Variants in TMOD3 observed in about 807,000 individuals in gnomAD.
TMOD3 encodes the protein tropomodulin 3, also known as tropomodulin-3.
A neutral mutation model predicts 39.2 loss-of-function variants in TMOD3; 20 were observed. The ratio of observed to expected loss-of-function variants is 0.51; its 90% CI spans 0.36 to 0.74. TMOD3 has a LOEUF of 0.74. Among genes scored for constraint, TMOD3 ranks in the 30% least tolerant of loss-of-function variants. The pLI, the probability that TMOD3 is intolerant of heterozygous loss-of-function variation, is 0.00. For synonymous variants in TMOD3, 143 were observed against 145.8 expected (o/e 0.98, Z 0.14); for missense variants, 381 against 412.8 (o/e 0.92, Z 0.67).
chr15:51,892,250 A>C (rs2056597347), intron 5 of TMOD3: 1 of 151,870 alleles, frequency 6.6e-6, no homozygotes. Context: ...AATTGCTCTT[A>C]CTCTTTCGTG....
In TMOD3 at chr15:51,896,504, G is replaced by A. The variant is rs759414812; in HGVS notation, c.713G>A (p.Arg238Gln). ...HVKCFSLAATRSNDPVATAFA... is the reference protein window; with the variant it reads ...HVKCFSLAATQSNDPVATAFA... The stretch of plus-strand genomic sequence containing the variant: ...AAATGTTTCAGTCTTGCAGCCACCC[G>A]GAGCAATGACCCTGTTGCTACTGTA... The change falls in exon 7 of 10, where the codon CGG becomes CAG. Residue 238 changes from arginine (R) to glutamine (Q), a missense_variant. Physicochemically the swap from Arg to Gln is conservative, Grantham distance 43 (BLOSUM62 1). Coordinates refer to ENST00000308580, the MANE Select transcript of TMOD3 (RefSeq NM_014547.5). 59 of 1,613,498 alleles carry A rather than the reference G, an allele frequency of 3.7e-5. No homozygotes were observed. The Middle Eastern group carries it at 4.9e-4, about 13-fold the overall frequency.
rs1317095210 is a variant in TMOD3 at position 51,913,562 on chromosome 15, A to C, written c.*4752A>C. ...TTCTATAAGTTCTTCCCTATAAAAA[A>C]TGAATGAATTAGAAATTTGATAATA... On this transcript the variant is annotated 3_prime_UTR_variant, in exon 10 of 10. Transcript: ENST00000308580. 6.6e-6 allele frequency: 1 copy of C among 152,226 alleles called. No individual in the cohort carries two copies. Among genetic ancestry groups the C allele is most frequent in the Non-Finnish European group, 1.5e-5 (1 of 68,042 alleles). The allele number at this position is 152,226 out of a possible 1,614,324, so 9.4% of individuals were successfully genotyped here. A position where few individuals can be genotyped will look rare whatever the true frequency, so the allele number is the denominator to read the frequency against.
At chr15:51,850,768 G>C (rs1217717458) in intron 1 of TMOD3, among the ~76,000 whole-genome samples, 1 of 152,034 alleles carries the variant, frequency 6.6e-6, no homozygotes, top group Non-Finnish European at 1.5e-5. Context: ...ACGGAGTATT[G>C]CTCTGTCACC....
chr15:51,887,682 C>T lies in TMOD3; in HGVS notation c.377C>T (p.Ala126Val). 1 of 1,613,952 alleles carries T rather than the reference C, an allele frequency of 6.2e-7. No individual in the cohort carries two copies. The highest frequency in any genetic ancestry group is 8.5e-7 in the Non-Finnish European group (1 of 1,179,952). ...DPELEEALTS[A>V]SDTELCDLAA... ...GAATTAGAAGAAGCTTTGACAAGTG[C>T]TTCTGATACAGAATTGTGTGACCTC... The change falls in exon 4 of 10, where the codon GCT (alanine) becomes GTT (valine). Residue 126 changes from alanine (A) to valine (V), a missense_variant. By Grantham distance (64) the Ala-to-Val change is moderately conservative. Transcript: ENST00000308580.
In TMOD3 at chr15:51,910,713, C is replaced by T. The variant is rs1331451721; in HGVS notation, c.*1903C>T. 6.6e-6 allele frequency: 1 copy of T among 151,372 alleles called. No individual in the cohort carries two copies. The highest frequency in any genetic ancestry group is 1.5e-5 in the Non-Finnish European group (1 of 67,950). The allele number at this position is 151,372 out of a possible 1,614,324, so 9.4% of individuals were successfully genotyped here. A position where few individuals can be genotyped will look rare whatever the true frequency, so the allele number is the denominator to read the frequency against. ...TAATAAGCCTTCTTAACAGGCTAAG[C>T]TTCCCTCATAAGAACTGTGGTGTTT... On this transcript the variant is annotated 3_prime_UTR_variant, in exon 10 of 10. Transcript: ENST00000308580.
chr15:51,905,533 G>A (rs2056674154), intron 9 of TMOD3, among the ~76,000 whole-genome samples: 1 of 151,888 alleles, frequency 6.6e-6, no homozygotes, highest in Non-Finnish European at 1.5e-5. Flanking sequence ...AGTGTTGGTA[G>A]AATACACTGA....
At chr15:51,897,145 A>G (rs1011410881) in intron 7 of TMOD3, among the ~76,000 whole-genome samples, 1 of 152,172 alleles carries the variant, frequency 6.6e-6, no homozygotes, top group Non-Finnish European at 1.5e-5. Flanking sequence ...TGGTTTCTCC[A>G]TATCTCTTCA....
Position 51,869,363 on chromosome 15 carries a change from A to T in TMOD3, c.273A>T (p.Gly91=). The change falls in exon 3 of 10, where the codon GGA becomes GGT. Residue 91 remains glycine, a synonymous_variant. Transcript: ENST00000308580. ...KDREDYVPYT[G]EKKGKIFIPK... ...GGGAAGACTATGTGCCCTACACTGG[A>T]GAAAAAAAAGGTAAGCCCCAGAATT... 6.2e-7 allele frequency: 1 copy of T among 1,610,166 alleles called. No homozygotes were observed. Among genetic ancestry groups the T allele is most frequent in the Non-Finnish European group, 8.5e-7 (1 of 1,179,088 alleles).
chr15:51,867,875 G>C (rs994305590), intron 2 of TMOD3, among the ~76,000 whole-genome samples: 4 of 152,170 alleles, frequency 2.6e-5, no homozygotes, highest in Admixed American at 6.5e-5. Flanking sequence ...AAAATTAAGG[G>C]ACTACAGGAG....
At chr15:51,830,122 C>T (rs932012904) in intron 1 of TMOD3, among the ~76,000 whole-genome samples, 1 of 152,138 alleles carries the variant, frequency 6.6e-6, no homozygotes, top group Non-Finnish European at 1.5e-5. Context: ...GGTTCGGGAC[C>T]GGCCCCCTCC....
intron 1 of TMOD3, among the ~76,000 whole-genome samples, chr15:51,834,735 G>A (rs780205701): frequency 5.9e-5 from 9 of 152,136 alleles, no homozygotes; most frequent in Admixed American, 2.0e-4. Context: ...GGGGGCTGAG[G>A]CAGGAGGATC....
At chr15:51,872,975 T>C (rs904937861) in intron 3 of TMOD3, among the ~76,000 whole-genome samples, 1 of 152,216 alleles carries the variant, frequency 6.6e-6, no homozygotes, top group Non-Finnish European at 1.5e-5. Context: ...CACAGTACCA[T>C]GGACCTGAAG....
intron 1 of TMOD3, 43 bp from the exon 2 acceptor site, chr15:51,862,768 G>C (rs1387211694): frequency 1.0e-6 from 1 of 966,254 alleles, no homozygotes; most frequent in Non-Finnish European, 1.5e-6. Flanking sequence ...AGTAGGTGGA[G>C]ATGACTTACT....
chr15:51,905,207 G>A (rs1436414334), intron 9 of TMOD3, among the ~76,000 whole-genome samples: 1 of 152,170 alleles, frequency 6.6e-6, no homozygotes, highest in Non-Finnish European at 1.5e-5. Context: ...AGTGGTATCA[G>A]CAGATTGAGG....
At chr15:51,843,074 G>A (rs1469031185) in intron 1 of TMOD3, among the ~76,000 whole-genome samples, 1 of 152,178 alleles carries the variant, frequency 6.6e-6, no homozygotes, top group Non-Finnish European at 1.5e-5. Flanking sequence ...GGTGAGCAAT[G>A]GGGCTAGATG....
intron 1 of TMOD3, chr15:51,860,432 C>T: frequency 1.8e-6 from 1 of 555,472 alleles, no homozygotes; most frequent in South Asian, 1.4e-5. Context: ...GCATCAGCTC[C>T]ATCCTAAAGT....
At chr15:51,836,241 C>A (rs1362716322) in intron 1 of TMOD3, among the ~76,000 whole-genome samples, 1 of 152,126 alleles carries the variant, frequency 6.6e-6, no homozygotes, top group Non-Finnish European at 1.5e-5. Flanking sequence ...CATTTTAGAA[C>A]ATTTTCATCA....
intron 2 of TMOD3, among the ~76,000 whole-genome samples, chr15:51,867,028 A>G (rs1298863072): frequency 6.6e-6 from 1 of 152,158 alleles, no homozygotes; most frequent in Admixed American, 6.5e-5. Flanking sequence ...CAGGGAAGGG[A>G]GACCACACAC....
intron 3 of TMOD3, among the ~76,000 whole-genome samples, chr15:51,885,985 C>CG (rs1261278780): frequency 2.0e-5 from 3 of 150,628 alleles, no homozygotes; most frequent in African/African-American, 7.3e-5. Context: ...CCCTCCCGGA[C>CG]GGGGCGGCTG....
Sources: gnomAD v4.1 joint callset for allele counts (sites outside exome capture counted in the v4.1 genomes callset) on GRCh38, gnomAD v4.1.1 for gene constraint, MANE v1.5 for transcripts, NCBI Gene and HGNC (gene_info 2026-07-23, HGNC 2026-07-21) for gene names.